The following NDUFA5 variants were observed in gnomAD, a reference collection of about 807,000 sequenced individuals.
The protein encoded by NDUFA5 is NADH dehydrogenase [ubiquinone] 1 alpha subcomplex subunit 5.
Under a neutral mutation model 19.8 loss-of-function variants are expected in NDUFA5, and 11 were observed. The observed-to-expected ratio is 0.56, with a 90% CI of 0.35 to 0.92. The LOEUF (loss-of-function observed/expected upper bound fraction) is 0.92, where lower values mean the gene tolerates loss of function less well. Ranked by LOEUF, NDUFA5 falls within the 40% of genes least tolerant of loss-of-function variation. The pLI, the probability that NDUFA5 is intolerant of heterozygous loss-of-function variation, is 0.01. For synonymous variants in NDUFA5, 47 were observed against 46.8 expected (o/e 1.00, Z -0.01); for missense variants, 109 against 134.2 (o/e 0.81, Z 0.93).
intron 4 of NDUFA5, among the ~76,000 whole-genome samples, chr7:123,543,777 G>A (rs989977703): frequency 6.6e-6 from 1 of 151,984 alleles, no homozygotes; most frequent in African/African-American, 2.4e-5. Flanking sequence ...AGAGAAATAG[G>A]TATAGGGCAA....
the NDUFA5 span, among the ~76,000 whole-genome samples, chr7:123,588,009 T>C: frequency 6.6e-6 from 1 of 151,800 alleles, no homozygotes; most frequent in South Asian, 2.1e-4. Context: ...TCTTATGGTG[T>C]CCTTGTCTGG....
At chr7:123,575,451 A>G in the NDUFA5 span, among the ~76,000 whole-genome samples, 1 of 152,100 alleles carries the variant, frequency 6.6e-6, no homozygotes, top group African/African-American at 2.4e-5. Context: ...ACACAATTAA[A>G]TCATACACAA....
At chr7:123,561,650 T>C (rs949682131), upstream of NDUFA5, among the ~76,000 whole-genome samples, 1 of 152,012 alleles carries the variant, frequency 6.6e-6, no homozygotes, top group Non-Finnish European at 1.5e-5. Context: ...CAGGCTGGAG[T>C]GCAGTGGCAT....
At chr7:123,570,179 C>T in the NDUFA5 span, among the ~76,000 whole-genome samples, 18 of 151,812 alleles carry the variant, frequency 1.2e-4, no homozygotes, top group Non-Finnish European at 1.9e-4. Flanking sequence ...GGACCACAGG[C>T]GCCCGCCACC....
In NDUFA5 at chr7:123,549,274, G is replaced by A. The variant is rs535939336; in HGVS notation, c.183+1196C>T. Among the ~76,000 whole-genome samples, 6 of 152,304 alleles carry A rather than the reference G, an allele frequency of 3.9e-5. No homozygotes were observed. The South Asian group carries it at 8.3e-4, about 21-fold the overall frequency. ...AATGGAAGTACAAACAGATCAATTA[G>A]TTATAAGGCAGTTTAAATAGCAGAG... On this transcript the variant is annotated intron_variant, in intron 3 of 4. Transcript: ENST00000355749.
At chr7:123,598,764 T>C in the NDUFA5 span, 54 of 152,352 alleles carry the variant, frequency 3.5e-4, no homozygotes, top group African/African-American at 1.3e-3. Context: ...CTACCTATAG[T>C]GCTACCTTAC....
chr7:123,551,380 TCTATTTTTAGTAGAGAC>T (rs1489235750), intron 2 of NDUFA5: 1 of 170,102 alleles, frequency 5.9e-6, no homozygotes, highest in East Asian at 1.9e-4. Flanking sequence ...GGCTATTTTT[TCTATTTTTAGTAGAGAC>T]AGGGTTTTGC....
the NDUFA5 span, among the ~76,000 whole-genome samples, chr7:123,576,412 A>T: frequency 6.6e-6 from 1 of 151,972 alleles, no homozygotes; most frequent in Non-Finnish European, 1.5e-5. Flanking sequence ...AACATTTTCC[A>T]TGTGTGTGTG....
chr7:123,570,227 G>A, the NDUFA5 span, among the ~76,000 whole-genome samples: 2 of 151,746 alleles, frequency 1.3e-5, no homozygotes, highest in East Asian at 1.9e-4. Context: ...TAGTAGAGAC[G>A]GGGTTTCACC....
At chr7:123,599,696 C>T in the NDUFA5 span, among the ~76,000 whole-genome samples, 1 of 152,208 alleles carries the variant, frequency 6.6e-6, no homozygotes, top group Non-Finnish European at 1.5e-5. Context: ...CTATTTTAAC[C>T]TAAGACTCTT....
the NDUFA5 span, chr7:123,584,855 A>G: frequency 6.6e-6 from 1 of 151,956 alleles, no homozygotes; most frequent in Non-Finnish European, 1.5e-5. Context: ...AAATTAAGAC[A>G]TATTTTCCTG....
At chr7:123,577,449 T>C in the NDUFA5 span, among the ~76,000 whole-genome samples, 1 of 152,186 alleles carries the variant, frequency 6.6e-6, no homozygotes, top group East Asian at 1.9e-4. Context: ...TCACTTAAGA[T>C]AACTGAACAC....
At chr7:123,569,169 C>T in the NDUFA5 span, among the ~76,000 whole-genome samples, 8 of 152,178 alleles carry the variant, frequency 5.3e-5, no homozygotes, top group African/African-American at 1.9e-4. Flanking sequence ...CGTTCTCAAC[C>T]ATTAAGGAGT....
chr7:123,581,824 C>T, the NDUFA5 span, among the ~76,000 whole-genome samples: 4 of 151,922 alleles, frequency 2.6e-5, no homozygotes, highest in African/African-American at 9.7e-5. Flanking sequence ...ACTCCCAAGA[C>T]TGTCAAGTTT....
intron 2 of NDUFA5, among the ~76,000 whole-genome samples, chr7:123,552,152 T>C (rs1362109449): frequency 6.7e-6 from 1 of 150,200 alleles, no homozygotes; most frequent in Non-Finnish European, 1.5e-5. Flanking sequence ...CAAACCCTTC[T>C]CCTAAAGAGC....
chr7:123,569,524 A>G, the NDUFA5 span, among the ~76,000 whole-genome samples: 1 of 152,336 alleles, frequency 6.6e-6, no homozygotes, highest in East Asian at 1.9e-4. Flanking sequence ...GATGTATGAG[A>G]TTGACTTAAG....
At chr7:123,572,290 C>T in the NDUFA5 span, among the ~76,000 whole-genome samples, 15 of 151,322 alleles carry the variant, frequency 9.9e-5, no homozygotes, top group Non-Finnish European at 1.5e-4. Flanking sequence ...TGTAGGCACG[C>T]GCCACCATGC....
chr7:123,553,795 C>G (rs1435910805), intron 2 of NDUFA5, among the ~76,000 whole-genome samples: 1 of 152,110 alleles, frequency 6.6e-6, no homozygotes, highest in African/African-American at 2.4e-5. Flanking sequence ...AGGGTATATA[C>G]AACTTAGAAC....
the NDUFA5 span, chr7:123,596,451 TA>T: frequency 1.3e-3 from 186 of 145,680 alleles, no homozygotes; most frequent in Middle Eastern, 3.6e-3. Context: ...ACAAAAGAAA[TA>T]AAAAAAAAAA....
Sources: gnomAD v4.1 joint callset for allele counts (sites outside exome capture counted in the v4.1 genomes callset) on GRCh38, gnomAD v4.1.1 for gene constraint, MANE v1.5 for transcripts, NCBI Gene and HGNC (gene_info 2026-07-23, HGNC 2026-07-21) for gene names.